ANGPT4: variants seen among roughly 807,000 people sequenced by gnomAD.
ANGPT4 encodes angiopoietin 4, also known as angiopoietin-4.
Under a neutral mutation model 53.0 loss-of-function variants are expected in ANGPT4, and 50 were observed. That is an observed-to-expected ratio of 0.94 (90% CI 0.75 to 1.20). The LOEUF (loss-of-function observed/expected upper bound fraction) is 1.20, where lower values mean the gene tolerates loss of function less well. ANGPT4 is among the 50% of genes most tolerant of loss of function. The pLI is 0.00. For missense variants in ANGPT4, 648 were observed against 637.1 expected (o/e 1.02, Z -0.18); for synonymous variants, 251 against 259.7 (o/e 0.97, Z 0.32).
chr20:875,783 G>A (rs1365711821), intron 7 of ANGPT4, among the ~76,000 whole-genome samples: 1 of 152,114 alleles, frequency 6.6e-6, no homozygotes, highest in Non-Finnish European at 1.5e-5. Flanking sequence ...GGCAGGGTTG[G>A]GGGAGGCTGC....
chr20:890,176 A>G, intron 2 of ANGPT4, 37 bp downstream of exon 2: 2 of 1,600,174 alleles, frequency 1.2e-6, no homozygotes, highest in Non-Finnish European at 1.7e-6. Flanking sequence ...CTGGCCAGCC[A>G]CAGGCCCTCA....
chr20:904,022 C>T (rs891291414), intron 1 of ANGPT4, among the ~76,000 whole-genome samples: 4 of 152,126 alleles, frequency 2.6e-5, no homozygotes, highest in Admixed American at 6.5e-5. Flanking sequence ...CTGGTGCAGA[C>T]GTATGAAAAT....
chr20:915,776 C>T (rs1190817071), intron 1 of ANGPT4, 130 bp downstream of exon 1: 2 of 1,191,510 alleles, frequency 1.7e-6, no homozygotes, highest in Non-Finnish European at 1.2e-6. Flanking sequence ...CCCACCCCTG[C>T]CCCTCTTTGT....
At chr20:880,129 G>C (rs1049914659) in intron 5 of ANGPT4, among the ~76,000 whole-genome samples, 3 of 152,168 alleles carry the variant, frequency 2.0e-5, no homozygotes, top group Non-Finnish European at 2.9e-5. Context: ...CTACCAACTG[G>C]GGTTGTGAAA....
rs574115140 is a variant in ANGPT4 at position 915,990 on chromosome 20, G to A, written c.225C>T (p.Asn75=). ...TGGGCAACTTCCCCAGGTGCAGTGGGTTGGCCAGTGATTCTCTCTGGAGGG... is the reference window on the plus strand; with the variant it reads ...TGGGCAACTTCCCCAGGTGCAGTGGATTGGCCAGTGATTCTCTCTGGAGGG... ...SNTLQRESLA[N]PLHLGKLPTQ... is the part of the protein sequence containing the mutation. The change falls in exon 1 of 9, where the codon AAC becomes AAT. Residue 75 remains asparagine, a synonymous_variant. Transcript: ENST00000381922. 6.2e-7 allele frequency: 1 copy of A among 1,613,460 alleles called. No homozygotes were observed. Among genetic ancestry groups the A allele is most frequent in the African/African-American group, 1.3e-5 (1 of 75,058 alleles).
At chr20:879,193 G>C (rs139897443) in intron 6 of ANGPT4, among the ~76,000 whole-genome samples, 30 of 152,230 alleles carry the variant, frequency 2.0e-4, no homozygotes, top group African/African-American at 7.0e-4. Context: ...CACTTTGTGG[G>C]TATCTTTTTC....
chr20:879,650 G>C, intron 6 of ANGPT4, 97 bp downstream of exon 6: 1 of 918,456 alleles, frequency 1.1e-6, no homozygotes, highest in Non-Finnish European at 1.6e-6. Flanking sequence ...GATTTTTTCT[G>C]GGGGAGGAAT....
chr20:904,438 G>A (rs924518785), intron 1 of ANGPT4, among the ~76,000 whole-genome samples: 2 of 152,144 alleles, frequency 1.3e-5, no homozygotes, highest in African/African-American at 2.4e-5. Context: ...TTCCATCTAT[G>A]GGCCTCCATT....
intron 1 of ANGPT4, 85 bp downstream of exon 1, chr20:915,821 G>T: frequency 6.9e-7 from 1 of 1,454,094 alleles, no homozygotes; most frequent in Non-Finnish European, 9.3e-7. Flanking sequence ...CTCAGGGAAG[G>T]CCTCTTGGAT....
chr20:875,514 A>G (rs1981129705), intron 7 of ANGPT4, among the ~76,000 whole-genome samples: 1 of 152,244 alleles, frequency 6.6e-6, no homozygotes, highest in Non-Finnish European at 1.5e-5. Context: ...CCTGGATTCA[A>G]ATTCCAGCTC....
chr20:913,040 T>A (rs1982766274), intron 1 of ANGPT4, among the ~76,000 whole-genome samples: 1 of 152,124 alleles, frequency 6.6e-6, no homozygotes, highest in Non-Finnish European at 1.5e-5. Flanking sequence ...AGATGATGGC[T>A]TCTGGGATTC....
chr20:895,511 G>A (rs1454469206), intron 1 of ANGPT4, among the ~76,000 whole-genome samples: 7 of 152,122 alleles, frequency 4.6e-5, no homozygotes, highest in Non-Finnish European at 8.8e-5. Context: ...GAGGGCATTT[G>A]CAAAGGGTCT....
rs1982921790 is a variant in ANGPT4 at position 915,985 on chromosome 20, A to C, written c.230T>G (p.Leu77Arg). ...TLQRESLANPLHLGKLPTQQV... is the reference protein window; with the variant it reads ...TLQRESLANPRHLGKLPTQQV... ...CTGGGTGGGCAACTTCCCCAGGTGCAGTGGGTTGGCCAGTGATTCTCTCTG... is the reference window on the plus strand; with the variant it reads ...CTGGGTGGGCAACTTCCCCAGGTGCCGTGGGTTGGCCAGTGATTCTCTCTG... The change falls in exon 1 of 9, where the codon CTG (leucine) becomes CGG (arginine). Residue 77 changes from leucine (L) to arginine (R), a missense_variant. Leu to Arg is a moderately radical substitution (Grantham distance 102). Coordinates refer to ENST00000381922, the MANE Select transcript of ANGPT4 (RefSeq NM_015985.4). 6.2e-7 allele frequency: 1 copy of C among 1,612,256 alleles called. No individual in the cohort carries two copies. Among genetic ancestry groups the C allele is most frequent in the Admixed American group, 1.7e-5 (1 of 59,960 alleles).
chr20:873,710 A>C (rs889483882), intron 8 of ANGPT4, among the ~76,000 whole-genome samples: 3 of 150,424 alleles, frequency 2.0e-5, no homozygotes, highest in African/African-American at 4.9e-5. Flanking sequence ...CTCCCTCTGT[A>C]CTTCTCTGCC....
At chr20:883,309 G>C (rs957336976) in intron 4 of ANGPT4, among the ~76,000 whole-genome samples, 6 of 152,312 alleles carry the variant, frequency 3.9e-5, no homozygotes, top group South Asian at 2.1e-4. Context: ...ATGAACAATC[G>C]CTGCTTTTAT....
chr20:901,283 G>A (rs1469818639), intron 1 of ANGPT4, among the ~76,000 whole-genome samples: 1 of 152,124 alleles, frequency 6.6e-6, no homozygotes, highest in Admixed American at 6.5e-5. Context: ...GATGCAACTG[G>A]AGAACCACAA....
At position 878,454 on chromosome 20, in the gene ANGPT4, A is replaced by G. The variant is rs373617590; in HGVS notation, c.1054-127T>C. On this transcript the variant is annotated intron_variant, in intron 6 of 8. Coordinates refer to ENST00000381922, the MANE Select transcript of ANGPT4 (RefSeq NM_015985.4). Reference sequence around the variant, plus strand: ...ACCACTGTGCTTAATGATCGAGTTCATAAGTACAGTGTAGGCAGGACTGGG... The same window carrying G: ...ACCACTGTGCTTAATGATCGAGTTCGTAAGTACAGTGTAGGCAGGACTGGG... 54 of 930,456 alleles carry G rather than the reference A, an allele frequency of 5.8e-5. 1 individual carries two copies. In the East Asian group the frequency reaches 8.1e-4, roughly 14 times the overall value. The allele number at this position is 930,456 out of a possible 1,614,324, so 57.6% of individuals were successfully genotyped here. A position where few individuals can be genotyped will look rare whatever the true frequency, so the allele number is the denominator to read the frequency against.
intron 4 of ANGPT4, among the ~76,000 whole-genome samples, chr20:883,997 C>CAGGGT (rs1568831443): frequency 6.6e-6 from 1 of 152,038 alleles, no homozygotes; most frequent in East Asian, 1.9e-4. Flanking sequence ...CCTCAAATCC[C>CAGGGT]TGTCAGCCCT....
rs1480495731 is a variant in ANGPT4, at chr20:908,640, T to C, written c.309+7266A>G. Reference sequence around the variant, plus strand: ...TCTTCCTTGCTCACTACTAAATCCTTGTCACTTGCATGGCGCCTGGCGCAT... The same window carrying C: ...TCTTCCTTGCTCACTACTAAATCCTCGTCACTTGCATGGCGCCTGGCGCAT... On this transcript the variant is annotated intron_variant, in intron 1 of 8. Transcript: ENST00000381922. The surrounding 1 kb of genome is among the most constrained non-coding windows in gnomAD (Gnocchi z 4.9). 1.3e-5 allele frequency among the ~76,000 whole-genome samples: 2 copies of C among 152,206 alleles called. No individual in the cohort carries two copies. The highest frequency in any genetic ancestry group is 2.9e-5 in the Non-Finnish European group (2 of 68,040).
Sources: gnomAD v4.1 joint callset for allele counts (sites outside exome capture counted in the v4.1 genomes callset) on GRCh38, gnomAD v4.1.1 for gene constraint, Gnocchi (gnomAD v3.1) non-coding constraint, MANE v1.5 for transcripts, NCBI Gene and HGNC (gene_info 2026-07-23, HGNC 2026-07-21) for gene names.